Variants in ANKS6 observed in about 807,000 individuals in gnomAD.
ANKS6 encodes ankyrin repeat and sterile alpha motif domain containing 6.
A neutral mutation model predicts 77.9 loss-of-function variants in ANKS6; 47 were observed. That is an observed-to-expected ratio of 0.60 (90% CI 0.48 to 0.77). ANKS6 has a LOEUF of 0.77. Ranked by LOEUF, ANKS6 falls within the 30% of genes least tolerant of loss-of-function variation. The probability of loss-of-function intolerance (pLI) is 0.00; values close to 1 mark genes in which losing one functional copy is unlikely to be tolerated. For missense variants in ANKS6, 1,150 were observed against 1,159.1 expected (o/e 0.99, Z 0.11); for synonymous variants, 488 against 501.7 (o/e 0.97, Z 0.37).
chr9:98,778,481 C>A, intron 6 of ANKS6, 57 bp from the exon 7 acceptor site: 1 of 1,536,204 alleles, frequency 6.5e-7, no homozygotes, highest in Non-Finnish European at 8.9e-7. Flanking sequence ...GAGACCAGGC[C>A]CAGGACCTGC....
Position 98,732,803 on chromosome 9 carries a change from C to A in ANKS6, c.*3716G>T, listed in dbSNP as rs762842783. The A allele has an allele frequency of 1.5e-4, 201 of 1,332,708 alleles. No homozygotes were observed. Among genetic ancestry groups the A allele is most frequent in the Non-Finnish European group, 1.9e-4 (194 of 1,042,690 alleles). The allele number at this position is 1,332,708 out of a possible 1,614,324, so 82.6% of individuals were successfully genotyped here. On this transcript the variant is annotated 3_prime_UTR_variant, in exon 15 of 15. Coordinates refer to ENST00000353234, the MANE Select transcript of ANKS6 (RefSeq NM_173551.5). Reference sequence around the variant, plus strand: ...ATGTCCAGTGCTCTTTCCAGGGTAACAGGTTGCTTCTACTCATTTTAAAGG... The same window carrying A: ...ATGTCCAGTGCTCTTTCCAGGGTAAAAGGTTGCTTCTACTCATTTTAAAGG...
intron 11 of ANKS6, among the ~76,000 whole-genome samples, chr9:98,763,471 G>T (rs1050341419): frequency 1.3e-5 from 2 of 151,952 alleles, no homozygotes; most frequent in Admixed American, 6.6e-5. Context: ...AAATTTGTGG[G>T]ATGTAGAAAA....
At chr9:98,736,736 T>TGG in intron 14 of ANKS6, 113 bp from the exon 15 acceptor site, 1 of 1,326,288 alleles carries the variant, frequency 7.5e-7, no homozygotes, top group Non-Finnish European at 1.0e-6. Context: ...CCCATGGGCG[T>TGG]CTTGGGGAAA....
At chr9:98,758,328 T>C (rs1285762949) in intron 11 of ANKS6, among the ~76,000 whole-genome samples, 2 of 151,472 alleles carry the variant, frequency 1.3e-5, no homozygotes, top group African/African-American at 4.9e-5. Flanking sequence ...ATCTTTCTTT[T>C]TTTTTTTTTT....
Position 98,745,644 on chromosome 9 carries a change from T to A in ANKS6, c.2426A>T (p.Asp809Val). The change falls in exon 14 of 15, where the codon GAC becomes GTC. Residue 809 changes from aspartate (D) to valine (V), a missense_variant. Asp to Val is a radical substitution (Grantham distance 152). Coordinates refer to ENST00000353234, the MANE Select transcript of ANKS6 (RefSeq NM_173551.5). Reference sequence around the variant, plus strand: ...AATTCCCAGCTCCTTCAAGTCACCGTCAGTCAGTGTGAGGAACGCTTCCAT... The same window carrying A: ...AATTCCCAGCTCCTTCAAGTCACCGACAGTCAGTGTGAGGAACGCTTCCAT... ...VDMEAFLTLT[D>V]GDLKELGIKT... 1 of 1,614,150 alleles carries A rather than the reference T, an allele frequency of 6.2e-7. No homozygotes were observed. The highest frequency in any genetic ancestry group is 8.5e-7 in the Non-Finnish European group (1 of 1,180,018).
At chr9:98,745,411 A>C (rs1260487408) in intron 14 of ANKS6, 148 bp downstream of exon 14, 6 of 720,822 alleles carry the variant, frequency 8.3e-6, no homozygotes, top group African/African-American at 3.5e-5. Flanking sequence ...TTACGGGGGA[A>C]GTCCGAAAAG....
intron 10 of ANKS6, among the ~76,000 whole-genome samples, chr9:98,770,339 T>C (rs1000935260): frequency 1.3e-5 from 2 of 152,194 alleles, no homozygotes; most frequent in African/African-American, 4.8e-5. Context: ...GTCTCGGGTA[T>C]GTCTTTATTA....
intron 12 of ANKS6, among the ~76,000 whole-genome samples, chr9:98,751,732 AG>A (rs1832439205): frequency 1.3e-5 from 2 of 152,306 alleles, no homozygotes; most frequent in South Asian, 4.1e-4. Flanking sequence ...CACATTCAAT[AG>A]GGATTTGCCA....
intron 10 of ANKS6, among the ~76,000 whole-genome samples, chr9:98,769,456 G>C (rs1016812031): frequency 6.6e-6 from 1 of 152,184 alleles, no homozygotes; most frequent in South Asian, 2.1e-4. Flanking sequence ...TCTAGGAACA[G>C]CCTCAGTGTT....
chr9:98,769,821 C>T (rs922871720), intron 10 of ANKS6, among the ~76,000 whole-genome samples: 15 of 152,150 alleles, frequency 9.9e-5, no homozygotes, highest in African/African-American at 2.9e-4. Flanking sequence ...ATAATTCATT[C>T]GAAGGGCTTG....
intron 14 of ANKS6, among the ~76,000 whole-genome samples, chr9:98,738,984 G>A (rs747496911): frequency 6.6e-6 from 1 of 152,124 alleles, no homozygotes; most frequent in African/African-American, 2.4e-5. Flanking sequence ...CTAAGTGAAG[G>A]AGACTATTAT....
chr9:98,795,962 T>C (rs1244905550), intron 1 of ANKS6, 171 bp downstream of exon 1: 1 of 645,200 alleles, frequency 1.5e-6, no homozygotes, highest in East Asian at 3.5e-5. Flanking sequence ...AATTCAAAAG[T>C]GTTTCCACGT....
intron 2 of ANKS6, among the ~76,000 whole-genome samples, chr9:98,788,968 CCT>C (rs1834731674): frequency 6.6e-6 from 1 of 152,060 alleles, no homozygotes; most frequent in African/African-American, 2.4e-5. Flanking sequence ...ATTTTTGCCA[CCT>C]CTCTGTCATT....
At position 98,782,563 on chromosome 9, in the gene ANKS6, T is replaced by C. The variant is rs1357542409; in HGVS notation, c.1123A>G (p.Ile375Val). The C allele has an allele frequency of 1.2e-6, 2 of 1,614,036 alleles. No homozygotes were observed. Among genetic ancestry groups the C allele is most frequent in the Non-Finnish European group, 8.5e-7 (1 of 1,179,920 alleles). The change falls in exon 5 of 15, where the codon ATT (isoleucine) becomes GTT (valine). Residue 375 changes from isoleucine to valine, a missense_variant. By Grantham distance (29) the Ile-to-Val change is conservative. Coordinates refer to ENST00000353234, the MANE Select transcript of ANKS6 (RefSeq NM_173551.5). ...MQATYHGNKE[I>V]VKYLLNQGAD... ...CCTTGGTTTAGCAGATATTTCACAATTTCCTTATTCCTGGGAAAAAATGCT... is the reference window on the plus strand; with the variant it reads ...CCTTGGTTTAGCAGATATTTCACAACTTCCTTATTCCTGGGAAAAAATGCT...
At chr9:98,737,393 T>C (rs1831556556) in intron 14 of ANKS6, among the ~76,000 whole-genome samples, 3 of 152,074 alleles carry the variant, frequency 2.0e-5, no homozygotes, top group African/African-American at 7.2e-5. Context: ...GGATACAAGA[T>C]TAACGTACAC....
At chr9:98,755,280 C>T (rs981476898) in intron 12 of ANKS6, among the ~76,000 whole-genome samples, 1 of 152,152 alleles carries the variant, frequency 6.6e-6, no homozygotes, top group Non-Finnish European at 1.5e-5. Flanking sequence ...GTGAGGGCCA[C>T]GAACACAATC....
intron 12 of ANKS6, 152 bp downstream of exon 12, chr9:98,756,268 C>T: frequency 1.2e-6 from 1 of 832,066 alleles, no homozygotes. Context: ...ATACAAGGTA[C>T]AATCAGAGAA....
At chr9:98,744,867 A>G (rs16917884) in intron 14 of ANKS6, among the ~76,000 whole-genome samples, 14,377 of 152,126 alleles carry the variant, frequency 0.095, 875 homozygotes, top group East Asian at 0.14. Context: ...TTGCTGGAAA[A>G]AAAAAAAGCC....
intron 11 of ANKS6, among the ~76,000 whole-genome samples, chr9:98,758,358 ATT>A (rs1832831339): frequency 1.6e-4 from 21 of 129,330 alleles, no homozygotes. Context: ...TTTTAAAAGT[ATT>A]TGCCTACTTT....
Sources: gnomAD v4.1 joint callset for allele counts (sites outside exome capture counted in the v4.1 genomes callset) on GRCh38, gnomAD v4.1.1 for gene constraint, MANE v1.5 for transcripts, NCBI Gene and HGNC (gene_info 2026-07-23, HGNC 2026-07-21) for gene names.